PIGK: variants seen among roughly 807,000 people sequenced by gnomAD.
PIGK encodes the protein phosphatidylinositol glycan anchor biosynthesis class K.
A neutral mutation model predicts 50.6 loss-of-function variants in PIGK; 42 were observed. The observed-to-expected ratio is 0.83, with a 90% CI of 0.65 to 1.07. PIGK has a LOEUF of 1.07. PIGK is among the 50% of genes least tolerant of loss of function. The pLI, the probability that PIGK is intolerant of heterozygous loss-of-function variation, is 0.00. For missense variants in PIGK, 448 were observed against 488.7 expected, an observed-to-expected ratio of 0.92 and a Z score of 0.78; for synonymous variants, 151 against 156.0, an observed-to-expected ratio of 0.97 and a Z score of 0.24.
At chr1:77,107,772 C>G (rs1369240883) in intron 10 of PIGK, among the ~76,000 whole-genome samples, 1 of 152,114 alleles carries the variant, frequency 6.6e-6, no homozygotes, top group Non-Finnish European at 1.5e-5. Flanking sequence ...TCTGGGTGCT[C>G]CTGTATTGGG....
chr1:77,179,038 A>G (rs906503945), intron 3 of PIGK, among the ~76,000 whole-genome samples: 4 of 152,242 alleles, frequency 2.6e-5, no homozygotes, highest in African/African-American at 9.6e-5. Context: ...CAGACCACAA[A>G]AAATGGAGCT....
intron 3 of PIGK, among the ~76,000 whole-genome samples, chr1:77,179,123 T>C (rs191300004): frequency 6.6e-6 from 1 of 152,348 alleles, no homozygotes; most frequent in Non-Finnish European, 1.5e-5. Flanking sequence ...AGGTTTGTTT[T>C]CCTCCTGTTA....
At chr1:77,187,804 C>T (rs541227528) in intron 3 of PIGK, among the ~76,000 whole-genome samples, 1 of 152,308 alleles carries the variant, frequency 6.6e-6, no homozygotes, top group South Asian at 2.1e-4. Flanking sequence ...GGACCCCAAA[C>T]GGATGGACCG....
At chr1:77,174,153 T>C (rs1355148637) in intron 3 of PIGK, among the ~76,000 whole-genome samples, 1 of 152,218 alleles carries the variant, frequency 6.6e-6, no homozygotes, top group African/African-American at 2.4e-5. Context: ...AAACTTACCA[T>C]CTGTTGATTC....
At chr1:77,137,915 A>C (rs1343157833) in intron 9 of PIGK, among the ~76,000 whole-genome samples, 1 of 152,108 alleles carries the variant, frequency 6.6e-6, no homozygotes, top group East Asian at 1.9e-4. Flanking sequence ...CTTTTATTTC[A>C]AAAAATAATT....
Position 77,171,545 on chromosome 1 carries a change from G to A in PIGK, c.240-2150C>T, listed in dbSNP as rs539898348. ...AATAATTATTCAATAGCTATATAAT[G>A]TCAATATCAATCAGAAAGAAGTACT... On this transcript the variant is annotated intron_variant, in intron 3 of 10. Transcript: ENST00000370812. Among the ~76,000 whole-genome samples the A allele has an allele frequency of 4.4e-4, 65 of 148,776 alleles. 1 individual carries two copies. The highest frequency in any genetic ancestry group is 3.5e-3 in the Middle Eastern group (1 of 282).
At chr1:77,156,441 T>A (rs1655009389) in intron 8 of PIGK, among the ~76,000 whole-genome samples, 1 of 152,202 alleles carries the variant, frequency 6.6e-6, no homozygotes. Flanking sequence ...TATTACTCAG[T>A]TTAATTTTCA....
At chr1:77,190,342 A>C (rs865787743) in intron 3 of PIGK, among the ~76,000 whole-genome samples, 83 of 152,306 alleles carry the variant, frequency 5.4e-4, no homozygotes, top group African/African-American at 1.8e-3. Context: ...TCGAAGTTAC[A>C]GTGAGCTACG....
chr1:77,098,096 CAG>C (rs1653462271), intron 10 of PIGK, among the ~76,000 whole-genome samples: 1 of 152,042 alleles, frequency 6.6e-6, no homozygotes, highest in Non-Finnish European at 1.5e-5. Flanking sequence ...AGGGCTATCA[CAG>C]ATCAGTGGGA....
chr1:77,198,990 T>C (rs1043723859), intron 3 of PIGK, among the ~76,000 whole-genome samples: 6 of 152,032 alleles, frequency 3.9e-5, no homozygotes, highest in Non-Finnish European at 8.8e-5. Context: ...AGTAAAGACA[T>C]TGTGGTATTG....
intron 9 of PIGK, among the ~76,000 whole-genome samples, chr1:77,146,864 G>A (rs1046209096): frequency 6.6e-6 from 1 of 152,120 alleles, no homozygotes; most frequent in African/African-American, 2.4e-5. Flanking sequence ...AGCTACTTGG[G>A]AGGCTGAGGT....
At chr1:77,191,862 C>CA (rs1655912996) in intron 3 of PIGK, among the ~76,000 whole-genome samples, 2 of 152,158 alleles carry the variant, frequency 1.3e-5, no homozygotes, top group Non-Finnish European at 2.9e-5. Context: ...CCTGTCTCTA[C>CA]AAAAAATACA....
intron 10 of PIGK, among the ~76,000 whole-genome samples, chr1:77,111,419 A>G (rs1299183938): frequency 6.6e-6 from 1 of 152,212 alleles, no homozygotes; most frequent in Non-Finnish European, 1.5e-5. Flanking sequence ...ATGGAATACT[A>G]TGCAGCCATA....
At chr1:77,107,746 C>A (rs959828000) in intron 10 of PIGK, among the ~76,000 whole-genome samples, 1 of 151,912 alleles carries the variant, frequency 6.6e-6, no homozygotes, top group African/African-American at 2.4e-5. Flanking sequence ...AGGTCTCTAA[C>A]GACTTGCTTT....
At chr1:77,117,725 C>T (rs1240774038) in intron 10 of PIGK, among the ~76,000 whole-genome samples, 1 of 152,162 alleles carries the variant, frequency 6.6e-6, no homozygotes, top group African/African-American at 2.4e-5. Context: ...AATTGTGTTA[C>T]CACTCTCATC....
intron 10 of PIGK, among the ~76,000 whole-genome samples, chr1:77,121,198 A>G (rs1385067076): frequency 6.6e-6 from 1 of 152,190 alleles, no homozygotes; most frequent in East Asian, 1.9e-4. Flanking sequence ...ATTTATGCTG[A>G]GAGTCAGGCA....
At chr1:77,123,167 G>A (rs1027784738) in intron 9 of PIGK, among the ~76,000 whole-genome samples, 2 of 152,074 alleles carry the variant, frequency 1.3e-5, no homozygotes, top group Non-Finnish European at 2.9e-5. Context: ...AGAAAATGTA[G>A]TATAATGATT....
chr1:77,154,185 T>C (rs536574359), intron 9 of PIGK: 2 of 495,362 alleles, frequency 4.0e-6, no homozygotes, highest in South Asian at 3.8e-5. Flanking sequence ...TTTTAGGCCT[T>C]TGTGGCAAGT....
At chr1:77,094,664 C>T (rs1653368598) in intron 10 of PIGK, among the ~76,000 whole-genome samples, 1 of 152,096 alleles carries the variant, frequency 6.6e-6, no homozygotes, top group African/African-American at 2.4e-5. Context: ...ACTTAGCAGC[C>T]AGAAACAGTT....
Sources: gnomAD v4.1 joint callset for allele counts (sites outside exome capture counted in the v4.1 genomes callset) on GRCh38, gnomAD v4.1.1 for gene constraint, MANE v1.5 for transcripts, NCBI Gene and HGNC (gene_info 2026-07-23, HGNC 2026-07-21) for gene names.